Variants in ZP2 observed in about 807,000 individuals in gnomAD.
The protein encoded by ZP2 is zona pellucida glycoprotein 2.
A neutral mutation model predicts 84.0 loss-of-function variants in ZP2; 51 were observed. The observed-to-expected ratio is 0.61, with a 90% CI of 0.49 to 0.77. The LOEUF (loss-of-function observed/expected upper bound fraction) is 0.77, where lower values mean the gene tolerates loss of function less well. Ranked by LOEUF, ZP2 falls within the 30% of genes least tolerant of loss-of-function variation. The probability of loss-of-function intolerance (pLI) is 0.00; values close to 1 mark genes in which losing one functional copy is unlikely to be tolerated. For missense variants in ZP2, 909 were observed against 911.9 expected (o/e 1.00, Z 0.04); for synonymous variants, 375 against 330.9 (o/e 1.13, Z -1.45).
At position 21,198,828 on chromosome 16, in the gene ZP2, G is replaced by C. The variant is rs1445052454; in HGVS notation, c.1962C>G (p.Val654=). ...TGATEAEKMT[V]SLPGPILLLS... ...ACAGGAGAATGGGTCCTGGGAGGCT[G>C]ACTGTCATTTTCTCTGCTTCAGTGG... The change falls in exon 17 of 19, where the codon GTC becomes GTG. Residue 654 remains valine (V), a synonymous_variant. Coordinates refer to ENST00000574091, the MANE Select transcript of ZP2 (RefSeq NM_001376232.1). 2.5e-6 allele frequency: 4 copies of C among 1,613,972 alleles called. No homozygotes were observed. The highest frequency in any genetic ancestry group is 3.4e-6 in the Non-Finnish European group (4 of 1,180,006).
chr16:21,203,086 G>T, intron 10 of ZP2, 39 bp downstream of exon 10: 1 of 1,602,594 alleles, frequency 6.2e-7, no homozygotes, highest in African/African-American at 1.3e-5. Context: ...AGCCAAGGGA[G>T]AAAAAAGGTA....
At position 21,201,701 on chromosome 16, in the gene ZP2, C is replaced by T. The variant is rs773775515; in HGVS notation, c.1504+5G>A. On this transcript the variant is annotated splice_donor_5th_base_variant and intron_variant, in intron 13 of 18. Transcript: ENST00000574091. Reference sequence around the variant, plus strand: ...TAAGCAATTTCACAGACTGCAATCTCTTACCTGGGTAGCTTTGCAGGATCA... The same window carrying T: ...TAAGCAATTTCACAGACTGCAATCTTTTACCTGGGTAGCTTTGCAGGATCA... The T allele has an allele frequency of 3.1e-6, 5 of 1,614,086 alleles. No individual in the cohort carries two copies. The Admixed American group carries it at 6.7e-5, about 22-fold the overall frequency.
intron 4 of ZP2, 32 bp from the exon 5 acceptor site, chr16:21,207,022 A>G (rs779070227): frequency 1.2e-6 from 2 of 1,612,880 alleles, no homozygotes; most frequent in South Asian, 1.1e-5. Context: ...GGAACAGAGT[A>G]AGTACTGTAC....
intron 7 of ZP2, 64 bp from the exon 8 acceptor site, chr16:21,204,468 A>C (rs144655231): frequency 7.3e-7 from 1 of 1,364,406 alleles, no homozygotes; most frequent in Non-Finnish European, 1.0e-6. Flanking sequence ...ACCAGTAAGA[A>C]TCATCTTGGC....
Position 21,203,972 on chromosome 16 carries a change from C to G in ZP2, c.972+58G>C, listed in dbSNP as rs1046319558. ...TTATCAGCCGTATGAGGACTACCCACAAGAGTATACTTCAAGTCAGGACCC... is the reference window on the plus strand; with the variant it reads ...TTATCAGCCGTATGAGGACTACCCAGAAGAGTATACTTCAAGTCAGGACCC... On this transcript the variant is annotated intron_variant, in intron 9 of 18. Coordinates refer to ENST00000574091, the MANE Select transcript of ZP2 (RefSeq NM_001376232.1). 2.4e-5 allele frequency: 38 copies of G among 1,592,814 alleles called. No individual in the cohort carries two copies. In the Admixed American group the frequency reaches 5.3e-4, roughly 22 times the overall value.
At position 21,206,824 on chromosome 16, in the gene ZP2, C is replaced by A. The variant is rs372976573; in HGVS notation, c.483+14G>T. On this transcript the variant is annotated intron_variant, in intron 5 of 18. Transcript: ENST00000574091. Reference sequence around the variant, plus strand: ...GTAGCCATATACCCCGAGCAGTCAGCCCGTTTCACTCACAGACATGAAATC... The same window carrying A: ...GTAGCCATATACCCCGAGCAGTCAGACCGTTTCACTCACAGACATGAAATC... 6.2e-7 allele frequency: 1 copy of A among 1,614,010 alleles called. No homozygotes were observed. The highest frequency in any genetic ancestry group is 1.1e-5 in the South Asian group (1 of 91,060).
At chr16:21,207,679 CA>C (rs1321636134) in intron 4 of ZP2, among the ~76,000 whole-genome samples, 90 of 126,530 alleles carry the variant, frequency 7.1e-4, no homozygotes, top group African/African-American at 2.7e-3. Context: ...CACACACACA[CA>C]CCACAAAAGT....
intron 7 of ZP2, 29 bp from the exon 8 acceptor site, chr16:21,204,433 A>G (rs765770214): frequency 6.3e-6 from 10 of 1,581,744 alleles, no homozygotes; most frequent in East Asian, 2.2e-5. Flanking sequence ...GTGATCTTCA[A>G]AAACATTGGT....
At chr16:21,213,090 G>A (rs138964549), upstream of ZP2, among the ~76,000 whole-genome samples, 1,585 of 152,294 alleles carry the variant, frequency 0.01, 28 homozygotes, top group African/African-American at 0.036. Context: ...TGTTGCCCAG[G>A]TGGGAGTGCA....
At chr16:21,210,843 G>A (rs1175341906) in intron 2 of ZP2, among the ~76,000 whole-genome samples, 2 of 151,234 alleles carry the variant, frequency 1.3e-5, no homozygotes, top group African/African-American at 4.9e-5. Context: ...CCAAAGTTCT[G>A]GGATTACAGG....
intron 8 of ZP2, 43 bp downstream of exon 8, chr16:21,204,265 A>G: frequency 1.2e-6 from 2 of 1,613,978 alleles, no homozygotes; most frequent in South Asian, 2.2e-5. Context: ...AGCTTCTAGG[A>G]CAATGTCTCC....
chr16:21,197,649 TTAAG>T (rs766336953), intron 18 of ZP2, 27 bp from the exon 19 acceptor site: 16 of 1,613,846 alleles, frequency 9.9e-6, no homozygotes, highest in Non-Finnish European at 1.4e-5. Context: ...CATTTGAGTC[TTAAG>T]TATTTTTAAA....
At chr16:21,204,683 C>T (rs1270143248) in intron 7 of ZP2, among the ~76,000 whole-genome samples, 1 of 152,170 alleles carries the variant, frequency 6.6e-6, no homozygotes, top group Non-Finnish European at 1.5e-5. Context: ...AAAGTATCAG[C>T]AGCCAGACAA....
At chr16:21,210,248 C>T (rs2093268609) in intron 2 of ZP2, 56 bp from the exon 3 acceptor site, 4 of 1,387,564 alleles carry the variant, frequency 2.9e-6, no homozygotes, top group South Asian at 2.3e-5. Flanking sequence ...GCAACTCCTA[C>T]AAAAGTGTAT....
At chr16:21,202,994 A>T (rs895780346) in intron 10 of ZP2, 131 bp downstream of exon 10, 13 of 1,122,436 alleles carry the variant, frequency 1.2e-5, no homozygotes, top group Middle Eastern at 3.1e-4. Flanking sequence ...CACTGTTTCT[A>T]ATCTGACTAG....
At position 21,206,917 on chromosome 16, in the gene ZP2, T is replaced by A. The variant is rs2093252522; in HGVS notation, c.404A>T (p.Gln135Leu). 5.6e-6 allele frequency: 9 copies of A among 1,614,032 alleles called. No homozygotes were observed. The highest frequency in any genetic ancestry group is 1.6e-4 in the Middle Eastern group (1 of 6,084). The change falls in exon 5 of 19, where the codon CAG becomes CTG. Residue 135 changes from glutamine (Q) to leucine (L), a missense_variant. Gln to Leu is a moderately radical substitution (Grantham distance 113, BLOSUM62 -2). Coordinates refer to ENST00000574091, the MANE Select transcript of ZP2 (RefSeq NM_001376232.1). ...AALRHGAVMY[Q>L]FFCPAMQVEE... ...TACTTGCATAGCTGGACAGAAGAAC[T>A]GATACATGACAGCTCCGTGTCTTAA...
upstream of ZP2, among the ~76,000 whole-genome samples, chr16:21,212,498 A>T (rs1431349366): frequency 8.5e-5 from 13 of 152,212 alleles, no homozygotes; most frequent in Admixed American, 7.9e-4. Context: ...GGAAAGTTTA[A>T]ATACTGTTTT....
In ZP2 at chr16:21,201,458, G is replaced by A. The variant is rs2093224793; in HGVS notation, c.1605C>T (p.Asp535=). The A allele has an allele frequency of 1.9e-6, 3 of 1,613,760 alleles. No homozygotes were observed. The South Asian group carries it at 3.3e-5, about 18-fold the overall frequency. ...CATCTAAGACCAGCTTGATGTTGGG[G>A]TCATCCCTGTTTAGGACTCTCACTT... ...YMEVRVLNRD[D]PNIKLVLDDC... Residue 535 remains aspartate, a synonymous_variant, in exon 14 of 19, where the codon GAC becomes GAT. Transcript: ENST00000574091.
At chr16:21,211,441 A>G in intron 1 of ZP2, 45 bp downstream of exon 1, 2 of 1,614,020 alleles carry the variant, frequency 1.2e-6, no homozygotes, top group South Asian at 2.2e-5. Flanking sequence ...GACTTTAACA[A>G]ACAAAGCTAC....
Sources: allele counts gnomAD v4.1 joint callset (sites outside exome capture counted in the v4.1 genomes callset), GRCh38; gene constraint gnomAD v4.1.1; transcripts MANE v1.5; gene names NCBI Gene and HGNC (gene_info 2026-07-23, HGNC 2026-07-21).